The following GJA10 variants were observed in gnomAD, a reference collection of about 807,000 sequenced individuals.
GJA10 encodes the protein gap junction alpha-10 protein.
For synonymous variants in GJA10, 239 were observed against 233.0 expected, an observed-to-expected ratio of 1.03 and a Z score of -0.23; for missense variants, 685 against 651.9, an observed-to-expected ratio of 1.05 and a Z score of -0.55.
In GJA10 at chr6:89,895,132, T is replaced by C. The variant is rs1771727826; in HGVS notation, c.664T>C (p.Ser222Pro). The C allele has an allele frequency of 6.2e-7, 1 of 1,614,070 alleles. No individual in the cohort carries two copies. Among genetic ancestry groups the C allele is most frequent in the Admixed American group, 1.7e-5 (1 of 59,996 alleles). ...MLFMHSIAAI[S>P]LLLNILEIFH... is the part of the protein sequence containing the mutation. Reference sequence around the variant, plus strand: ...TTTTATGCACAGCATTGCAGCCATTTCCTTGTTACTCAATATACTGGAAAT... The same window carrying C: ...TTTTATGCACAGCATTGCAGCCATTCCCTTGTTACTCAATATACTGGAAAT... Residue 222 changes from serine (S) to proline (P), a missense_variant, in exon 1 of 1, where the codon TCC (serine) becomes CCC (proline). By Grantham distance (74) the Ser-to-Pro change is moderately conservative. Transcript: ENST00000369352.
At chr6:89,896,081 C>G (rs755515790) in intron 1 of GJA10, 14 of 1,581,722 alleles carry the variant, frequency 8.9e-6, no homozygotes, top group Middle Eastern at 3.4e-4. Flanking sequence ...TCGATACATT[C>G]AGTTAAATTC....
At position 89,895,084 on chromosome 6, in the gene GJA10, A is replaced by G. The variant is rs1481546960; in HGVS notation, c.616A>G (p.Thr206Ala). 1.9e-6 allele frequency: 3 copies of G among 1,614,066 alleles called. No homozygotes were observed. The African/African-American group carries it at 4.0e-5, about 22-fold the overall frequency. Residue 206 changes from threonine to alanine, a missense_variant, in exon 1 of 1, where the codon ACT becomes GCT. Physicochemically the swap from Thr to Ala is moderately conservative, Grantham distance 58. Transcript: ENST00000369352. The stretch of plus-strand genomic sequence containing the variant: ...GGTGGATTGCTTTGTATCCAGGCCC[A>G]CTGAGAAGACAATTTTCATGCTTTT... ...NAVDCFVSRP[T>A]EKTIFMLFMH...
chr6:89,894,836 T>C lies in GJA10; in HGVS notation c.368T>C (p.Leu123Pro). ...AGAGCCCAGATGGAGAATCCAGATC[T>C]TGACTTGGAGGAGCAGCAAAGAATA... is the stretch of plus-strand genomic sequence containing the variant. ...HLRAQMENPD[L>P]DLEEQQRIDR... The change falls in exon 1 of 1, where the codon CTT becomes CCT. Residue 123 changes from leucine to proline, a missense_variant. Coordinates refer to ENST00000369352, the MANE Select transcript of GJA10 (RefSeq NM_032602.2). 6.2e-7 allele frequency: 1 copy of C among 1,614,176 alleles called. No individual in the cohort carries two copies. Among genetic ancestry groups the C allele is most frequent in the South Asian group, 1.1e-5 (1 of 91,080 alleles).
chr6:89,895,871 C>T lies in GJA10; in HGVS notation c.1403C>T (p.Ser468Leu), dbSNP rs199527381. 3 of 1,614,070 alleles carry T rather than the reference C, an allele frequency of 1.9e-6. No homozygotes were observed. Among genetic ancestry groups the T allele is most frequent in the Non-Finnish European group, 2.5e-6 (3 of 1,180,040 alleles). The part of the protein sequence containing the change: ...LDFPHWENSP[S>L]PLPSVTGHRT... ...TTTCCTCACTGGGAAAACAGCCCCT[C>T]ACCTCTGCCTTCAGTCACTGGGCAC... The change falls in exon 1 of 1, where the codon TCA becomes TTA. Residue 468 changes from serine to leucine, a missense_variant. Ser to Leu is a moderately radical substitution (Grantham distance 145, BLOSUM62 -2). Transcript: ENST00000369352.
rs1323403267 is a variant in GJA10 at position 89,895,514 on chromosome 6, T to C, written c.1046T>C (p.Leu349Pro). The C allele has an allele frequency of 6.2e-7, 1 of 1,614,178 alleles. No homozygotes were observed. Among genetic ancestry groups the C allele is most frequent in the African/African-American group, 1.3e-5 (1 of 75,052 alleles). ...PWAGSAGNQH[L>P]GQQSDHSSFG... is the part of the protein sequence containing the mutation. ...GCTGGCAGTGCTGGAAATCAGCACC[T>C]GGGACAGCAATCAGACCATTCCTCA... Residue 349 changes from leucine to proline, a missense_variant, in exon 1 of 1, where the codon CTG (leucine) becomes CCG (proline). Coordinates refer to ENST00000369352, the MANE Select transcript of GJA10 (RefSeq NM_032602.2).
Position 89,895,296 on chromosome 6 carries a change from G to T in GJA10, c.828G>T (p.Leu276Phe). The change falls in exon 1 of 1, where the codon TTG (leucine) becomes TTT (phenylalanine). Residue 276 changes from leucine (L) to phenylalanine (F), a missense_variant. Coordinates refer to ENST00000369352, the MANE Select transcript of GJA10 (RefSeq NM_032602.2). ...AGCAGTGTATGATTTGCTCTTCATT[G>T]CCTGAAAGAATCTCTCCACTTCAAG... ...VAQQCMICSSLPERISPLQAN... is the reference protein window; with the variant it reads ...VAQQCMICSSFPERISPLQAN... 1 of 1,614,140 alleles carries T rather than the reference G, an allele frequency of 6.2e-7. No individual in the cohort carries two copies. The highest frequency in any genetic ancestry group is 8.5e-7 in the Non-Finnish European group (1 of 1,180,028).
rs760047826 is a variant in GJA10, at chr6:89,895,727, T to A, written c.1259T>A (p.Ile420Lys). 1.2e-6 allele frequency: 2 copies of A among 1,614,198 alleles called. No individual in the cohort carries two copies. The highest frequency in any genetic ancestry group is 3.3e-5 in the Admixed American group (2 of 60,002). The change falls in exon 1 of 1, where the codon ATA becomes AAA. Residue 420 changes from isoleucine to lysine, a missense_variant. By Grantham distance (102) the Ile-to-Lys change is moderately radical. Transcript: ENST00000369352. Reference sequence around the variant, plus strand: ...AGCATGAGAGAGAGTGGGGTCTGGATAGACAGATCTCGCCCAGGCAGTCGC... The same window carrying A: ...AGCATGAGAGAGAGTGGGGTCTGGAAAGACAGATCTCGCCCAGGCAGTCGC... ...EGSMRESGVW[I>K]DRSRPGSRKA...
Position 89,895,986 on chromosome 6 carries a change from T to C in GJA10, c.1518T>C (p.Phe506=), listed in dbSNP as rs1771757565. Reference sequence around the variant, plus strand: ...CTGGATGCTTTCTTTTTCCTTTCTTTCTTCCTGGGGTGTGTATGTATGTTT... The same window carrying C: ...CTGGATGCTTTCTTTTTCCTTTCTTCCTTCCTGGGGTGTGTATGTATGTTT... ...FHSGCFLFPF[F]LPGVCMYVCV... The change falls in exon 1 of 1, where the codon TTT becomes TTC. Residue 506 remains phenylalanine (F), a synonymous_variant. Coordinates refer to ENST00000369352, the MANE Select transcript of GJA10 (RefSeq NM_032602.2). 1.9e-6 allele frequency: 3 copies of C among 1,614,048 alleles called. No individual in the cohort carries two copies. The highest frequency in any genetic ancestry group is 2.5e-6 in the Non-Finnish European group (3 of 1,180,026).
chr6:89,894,956 C>A lies in GJA10; in HGVS notation c.488C>A (p.Thr163Asn). 5.6e-6 allele frequency: 9 copies of A among 1,614,114 alleles called. No homozygotes were observed. The highest frequency in any genetic ancestry group is 6.8e-6 in the Non-Finnish European group (8 of 1,180,026). ...CGTACTTATGTCTTACACATCTTGA[C>A]CAGATCTGTGCTGGAAGTAGGATTC... ...LLRTYVLHIL[T>N]RSVLEVGFMI... Residue 163 changes from threonine to asparagine, a missense_variant, in exon 1 of 1, where the codon ACC (threonine) becomes AAC (asparagine). Physicochemically the swap from Thr to Asn is moderately conservative, Grantham distance 65. Coordinates refer to ENST00000369352, the MANE Select transcript of GJA10 (RefSeq NM_032602.2).
At position 89,895,558 on chromosome 6, in the gene GJA10, A is replaced by G. The variant is rs1489806671; in HGVS notation, c.1090A>G (p.Met364Val). ...TTCCTCATTTGGCCTGCAGAATACA[A>G]TGTCTCAGTCCTGGCTAGGTACAAC... is the stretch of plus-strand genomic sequence containing the variant. ...DHSSFGLQNTMSQSWLGTTTA... is the reference protein window; with the variant it reads ...DHSSFGLQNTVSQSWLGTTTA... Residue 364 changes from methionine (M) to valine (V), a missense_variant, in exon 1 of 1, where the codon ATG (methionine) becomes GTG (valine). By Grantham distance (21) the Met-to-Val change is conservative. Transcript: ENST00000369352. The G allele has an allele frequency of 1.2e-6, 2 of 1,614,160 alleles. No homozygotes were observed. Among genetic ancestry groups the G allele is most frequent in the Non-Finnish European group, 1.7e-6 (2 of 1,180,030 alleles).
At position 89,895,036 on chromosome 6, in the gene GJA10, A is replaced by G. The variant is rs774332759; in HGVS notation, c.568A>G (p.Thr190Ala). The G allele has an allele frequency of 3.1e-6, 5 of 1,614,118 alleles. No individual in the cohort carries two copies. The highest frequency in any genetic ancestry group is 4.2e-6 in the Non-Finnish European group (5 of 1,180,014). The change falls in exon 1 of 1, where the codon ACT becomes GCT. Residue 190 changes from threonine to alanine, a missense_variant. Thr to Ala is a moderately conservative substitution (Grantham distance 58). Coordinates refer to ENST00000369352, the MANE Select transcript of GJA10 (RefSeq NM_032602.2). ...GFQMHPLYKC[T>A]QPPCPNAVDC... ...TCAAATGCACCCCCTTTACAAATGCACTCAACCTCCTTGCCCCAATGCGGT... is the reference window on the plus strand; with the variant it reads ...TCAAATGCACCCCCTTTACAAATGCGCTCAACCTCCTTGCCCCAATGCGGT...
Position 89,895,598 on chromosome 6 carries a change from A to C in GJA10, c.1130A>C (p.Asn377Thr), listed in dbSNP as rs1771745879. The part of the protein sequence containing the change: ...SWLGTTTAPR[N>T]CPSFAVGTWE... Reference sequence around the variant, plus strand: ...CTAGGTACAACTACGGCTCCTAGAAACTGTCCATCCTTTGCAGTAGGAACC... The same window carrying C: ...CTAGGTACAACTACGGCTCCTAGAACCTGTCCATCCTTTGCAGTAGGAACC... Residue 377 changes from asparagine (N) to threonine (T), a missense_variant, in exon 1 of 1, where the codon AAC becomes ACC. By Grantham distance (65) the Asn-to-Thr change is moderately conservative. Transcript: ENST00000369352. 1 of 1,614,148 alleles carries C rather than the reference A, an allele frequency of 6.2e-7. No individual in the cohort carries two copies. The highest frequency in any genetic ancestry group is 1.3e-5 in the African/African-American group (1 of 75,048).
chr6:89,895,607 C>T lies in GJA10; in HGVS notation c.1139C>T (p.Ser380Phe). 6.2e-7 allele frequency: 1 copy of T among 1,614,146 alleles called. No individual in the cohort carries two copies. Among genetic ancestry groups the T allele is most frequent in the East Asian group, 2.2e-5 (1 of 44,882 alleles). ...ACTACGGCTCCTAGAAACTGTCCAT[C>T]CTTTGCAGTAGGAACCTGGGAGCAG... is the stretch of plus-strand genomic sequence containing the variant. Reference protein sequence around the residue: ...GTTTAPRNCPSFAVGTWEQSQ... With the variant: ...GTTTAPRNCPFFAVGTWEQSQ... The change falls in exon 1 of 1, where the codon TCC (serine) becomes TTC (phenylalanine). Residue 380 changes from serine (S) to phenylalanine (F), a missense_variant. By Grantham distance (155) the Ser-to-Phe change is radical. Transcript: ENST00000369352.
At position 89,895,275 on chromosome 6, in the gene GJA10, G is replaced by A. The variant is rs564740622; in HGVS notation, c.807G>A (p.Gln269=). 6 of 1,614,026 alleles carry A rather than the reference G, an allele frequency of 3.7e-6. No homozygotes were observed. The highest frequency in any genetic ancestry group is 2.2e-5 in the South Asian group (2 of 91,092). The part of the protein sequence containing the change: ...FHLKKYSVAQ[Q]CMICSSLPER... ...TGAAGAAATATTCTGTGGCCCAGCA[G>A]TGTATGATTTGCTCTTCATTGCCTG... Residue 269 remains glutamine (Q), a synonymous_variant, in exon 1 of 1, where the codon CAG becomes CAA. Coordinates refer to ENST00000369352, the MANE Select transcript of GJA10 (RefSeq NM_032602.2).
Position 89,895,956 on chromosome 6 carries a change from C to A in GJA10, c.1488C>A (p.Phe496Leu). Reference protein sequence around the residue: ...LPIMELSQELFHSGCFLFPFF... With the variant: ...LPIMELSQELLHSGCFLFPFF... ...TCATGGAACTATCACAAGAGCTGTTCCATTCTGGATGCTTTCTTTTTCCTT... is the reference window on the plus strand; with the variant it reads ...TCATGGAACTATCACAAGAGCTGTTACATTCTGGATGCTTTCTTTTTCCTT... Residue 496 changes from phenylalanine (F) to leucine (L), a missense_variant, in exon 1 of 1, where the codon TTC (phenylalanine) becomes TTA (leucine). Coordinates refer to ENST00000369352, the MANE Select transcript of GJA10 (RefSeq NM_032602.2). 1 of 1,614,130 alleles carries A rather than the reference C, an allele frequency of 6.2e-7. No homozygotes were observed. The highest frequency in any genetic ancestry group is 8.5e-7 in the Non-Finnish European group (1 of 1,180,028).
At position 89,895,727 on chromosome 6, in the gene GJA10, T is replaced by C; in HGVS notation, c.1259T>C (p.Ile420Thr). 1 of 1,614,198 alleles carries C rather than the reference T, an allele frequency of 6.2e-7. No individual in the cohort carries two copies. The highest frequency in any genetic ancestry group is 2.2e-5 in the East Asian group (1 of 44,886). Residue 420 changes from isoleucine to threonine, a missense_variant, in exon 1 of 1, where the codon ATA (isoleucine) becomes ACA (threonine). Transcript: ENST00000369352. ...EGSMRESGVWIDRSRPGSRKA... is the reference protein window; with the variant it reads ...EGSMRESGVWTDRSRPGSRKA... ...AGCATGAGAGAGAGTGGGGTCTGGA[T>C]AGACAGATCTCGCCCAGGCAGTCGC...
Position 89,895,864 on chromosome 6 carries a change from AG to A in GJA10, c.1397del (p.Ser466ThrfsTer15), listed in dbSNP as rs772296879. On this transcript the variant is annotated frameshift_variant, in exon 1 of 2. Transcript: ENST00000638915. LOFTEE classifies it high-confidence loss of function. ...CTTGGATTTTCCTCACTGGGAAAAC[AG>A]CCCCTCACCTCTGCCTTCAGTCACT... 1.2e-6 allele frequency: 2 copies of A among 1,614,198 alleles called. No individual in the cohort carries two copies. The highest frequency in any genetic ancestry group is 1.1e-5 in the South Asian group (1 of 91,086).
Position 89,895,918 on chromosome 6 carries a change from G to A in GJA10, c.1450G>A (p.Ala484Thr), listed in dbSNP as rs932797388. The A allele has an allele frequency of 6.2e-7, 1 of 1,614,140 alleles. No individual in the cohort carries two copies. ...TGHRTSMVRQ[A>T]ALPIMELSQE... is the part of the protein sequence containing the mutation. The stretch of plus-strand genomic sequence containing the variant: ...GCACAGAACATCAATGGTAAGACAG[G>A]CAGCCCTACCGATCATGGAACTATC... Residue 484 changes from alanine to threonine, a missense_variant, in exon 1 of 1, where the codon GCA (alanine) becomes ACA (threonine). Transcript: ENST00000369352.
Position 89,895,586 on chromosome 6 carries a change from C to A in GJA10, c.1118C>A (p.Thr373Lys). 1 of 1,614,140 alleles carries A rather than the reference C, an allele frequency of 6.2e-7. No homozygotes were observed. Among genetic ancestry groups the A allele is most frequent in the Non-Finnish European group, 8.5e-7 (1 of 1,180,022 alleles). Residue 373 changes from threonine to lysine, a missense_variant, in exon 1 of 1, where the codon ACG becomes AAG. Transcript: ENST00000369352. ...TCTCAGTCCTGGCTAGGTACAACTA[C>A]GGCTCCTAGAAACTGTCCATCCTTT... ...TMSQSWLGTTTAPRNCPSFAV... is the reference protein window; with the variant it reads ...TMSQSWLGTTKAPRNCPSFAV...
Sources: allele counts gnomAD v4.1 joint callset, GRCh38; gene constraint gnomAD v4.1.1; transcripts MANE v1.5; gene names NCBI Gene and HGNC (gene_info 2026-07-23, HGNC 2026-07-21).